The following SULF1 variants were observed in gnomAD, a reference collection of about 807,000 sequenced individuals.
The protein encoded by SULF1 is extracellular sulfatase Sulf-1.
In SULF1, 46 loss-of-function variants were observed where a neutral mutation model predicts 110.5. The observed-to-expected ratio is 0.42, with a 90% CI of 0.33 to 0.53. The LOEUF (loss-of-function observed/expected upper bound fraction) is 0.53, where lower values mean the gene tolerates loss of function less well. Among genes scored for constraint, SULF1 ranks in the 20% least tolerant of loss-of-function variants. SULF1 has a pLI of 0.12. For missense variants in SULF1, 941 were observed against 1,094.2 expected (o/e 0.86, Z 1.98); for synonymous variants, 371 against 387.1 (o/e 0.96, Z 0.49).
intron 15 of SULF1, among the ~76,000 whole-genome samples, 160 bp from the exon 16 acceptor site, chr8:69,627,050 C>G (rs1810131280): frequency 1.3e-5 from 2 of 152,252 alleles, no homozygotes; most frequent in South Asian, 4.1e-4. Flanking sequence ...ACGCTGTCAC[C>G]TCTCAATATT....
intron 8 of SULF1, among the ~76,000 whole-genome samples, chr8:69,598,149 C>T (rs977408065): frequency 2.6e-5 from 4 of 151,220 alleles, no homozygotes; most frequent in African/African-American, 9.7e-5. Flanking sequence ...GTTAACGAAC[C>T]ATTTTCTTTG....
At chr8:69,600,246 G>A (rs1372150) in intron 8 of SULF1, among the ~76,000 whole-genome samples, 115,802 of 152,016 alleles carry the variant, frequency 0.76, 44,515 homozygotes, top group African/African-American at 0.85. Flanking sequence ...ATCATATGAG[G>A]ATATTCCCTT....
chr8:69,504,274 G>T (rs538813664), intron 3 of SULF1, among the ~76,000 whole-genome samples: 1 of 151,706 alleles, frequency 6.6e-6, no homozygotes, highest in African/African-American at 2.4e-5. Flanking sequence ...AGTGGCTCAC[G>T]CCTATAGTCC....
At chr8:69,514,068 T>G (rs767130308) in intron 3 of SULF1, among the ~76,000 whole-genome samples, 8 of 152,186 alleles carry the variant, frequency 5.3e-5, no homozygotes, top group Non-Finnish European at 1.2e-4. Context: ...AACATGGAGG[T>G]GCTCACTTTC....
chr8:69,588,929 T>A (rs771144179), intron 7 of SULF1, 43 bp from the exon 8 acceptor site: 1 of 1,580,978 alleles, frequency 6.3e-7, no homozygotes, highest in Non-Finnish European at 8.6e-7. Flanking sequence ...CTGATGAATG[T>A]CACCTTTTGT....
chr8:69,642,015 T>C (rs1204086819), intron 22 of SULF1, among the ~76,000 whole-genome samples: 4 of 152,082 alleles, frequency 2.6e-5, no homozygotes, highest in Non-Finnish European at 5.9e-5. Context: ...GCACTGTCCT[T>C]ACCGCCTCTG....
chr8:69,497,469 AG>A (rs1164107987), intron 2 of SULF1, among the ~76,000 whole-genome samples: 2 of 152,140 alleles, frequency 1.3e-5, no homozygotes, highest in Non-Finnish European at 2.9e-5. Flanking sequence ...AATGTTCTTA[AG>A]CAACAAGACT....
At chr8:69,551,531 C>T (rs945719505) in intron 3 of SULF1, among the ~76,000 whole-genome samples, 2 of 152,192 alleles carry the variant, frequency 1.3e-5, no homozygotes, top group Non-Finnish European at 2.9e-5. Context: ...TGTTTGCCTT[C>T]TTGGCAACTC....
chr8:69,617,831 T>C (rs367776545), intron 13 of SULF1, among the ~76,000 whole-genome samples: 1 of 152,186 alleles, frequency 6.6e-6, no homozygotes, highest in South Asian at 2.1e-4. Flanking sequence ...GGTGCACTGA[T>C]AGTATTCATC....
chr8:69,577,001 T>A (rs766422590), intron 6 of SULF1, among the ~76,000 whole-genome samples: 25 of 152,262 alleles, frequency 1.6e-4, no homozygotes, highest in Admixed American at 4.6e-4. Context: ...GAAATTAATC[T>A]TTCCCACTGG....
At chr8:69,468,618 G>C (rs1808956424) in intron 1 of SULF1, among the ~76,000 whole-genome samples, 2 of 152,128 alleles carry the variant, frequency 1.3e-5, no homozygotes, top group African/African-American at 4.8e-5. Flanking sequence ...GTCTTTCGGA[G>C]TTCCAGTCAT....
chr8:69,601,699 A>G lies in SULF1; in HGVS notation c.931A>G (p.Ile311Val). The change falls in exon 10 of 23, where the codon ATC becomes GTC. Residue 311 changes from isoleucine to valine, a missense_variant. Ile to Val is a conservative substitution (Grantham distance 29). Around this residue, in one of 3 missense-constraint regions of SULF1, gnomAD observed 822 missense variants for 934.3 expected, o/e 0.88. Transcript: ENST00000402687. ...GACGGGGGAGCTGGAGAATACTTAC[A>G]TCATTTACACCGCCGACCATGGTTA... is the stretch of plus-strand genomic sequence containing the variant. Reference protein sequence around the residue: ...VETGELENTYIIYTADHGYHI... With the variant: ...VETGELENTYVIYTADHGYHI... 1.2e-6 allele frequency: 2 copies of G among 1,613,270 alleles called. No individual in the cohort carries two copies. Among genetic ancestry groups the G allele is most frequent in the African/African-American group, 1.3e-5 (1 of 75,012 alleles).
intron 3 of SULF1, among the ~76,000 whole-genome samples, chr8:69,515,416 C>T (rs900182029): frequency 6.6e-5 from 10 of 152,176 alleles, no homozygotes; most frequent in African/African-American, 2.2e-4. Context: ...TGCCATGTCC[C>T]AGGGCTGCAT....
At chr8:69,537,250 T>A (rs984590475) in intron 3 of SULF1, among the ~76,000 whole-genome samples, 3 of 152,152 alleles carry the variant, frequency 2.0e-5, no homozygotes, top group African/African-American at 7.2e-5. Flanking sequence ...TGGGCATCCC[T>A]GACAGCATCT....
intron 22 of SULF1, among the ~76,000 whole-genome samples, chr8:69,645,151 A>C (rs529977367): frequency 6.6e-5 from 10 of 152,106 alleles, no homozygotes; most frequent in Non-Finnish European, 1.3e-4. Context: ...AGGCACCAAA[A>C]TCCAGCCAAA....
At chr8:69,565,026 C>T (rs1032890726) in intron 5 of SULF1, among the ~76,000 whole-genome samples, 1 of 152,204 alleles carries the variant, frequency 6.6e-6, no homozygotes, top group African/African-American at 2.4e-5. Context: ...CTTTACCGAG[C>T]TCCTGAGGCT....
intron 3 of SULF1, among the ~76,000 whole-genome samples, chr8:69,536,416 G>A (rs1273183994): frequency 6.6e-6 from 1 of 152,116 alleles, no homozygotes; most frequent in Non-Finnish European, 1.5e-5. Context: ...AGTATCATTA[G>A]CAAGTTAAAT....
At chr8:69,479,651 A>G (rs996225241) in intron 1 of SULF1, among the ~76,000 whole-genome samples, 1 of 152,142 alleles carries the variant, frequency 6.6e-6, no homozygotes, top group African/African-American at 2.4e-5. Flanking sequence ...ACCTCCAACA[A>G]TCTAAGCTAA....
chr8:69,651,245 G>A (rs1812325502), intron 22 of SULF1, among the ~76,000 whole-genome samples: 1 of 151,972 alleles, frequency 6.6e-6, no homozygotes, highest in East Asian at 1.9e-4. Context: ...TAGAGACAGG[G>A]TTTCACCATG....
Sources: allele counts gnomAD v4.1 joint callset (sites outside exome capture counted in the v4.1 genomes callset), GRCh38; gene constraint gnomAD v4.1.1; regional missense constraint gnomAD v4.1.1; transcripts MANE v1.5; gene names NCBI Gene and HGNC (gene_info 2026-07-23, HGNC 2026-07-21).